The following PAX6 variants were observed in gnomAD, a reference collection of about 807,000 sequenced individuals.
PAX6 encodes paired box 6.
Under a neutral mutation model 60.7 loss-of-function variants are expected in PAX6, and 7 were observed. The observed-to-expected ratio is 0.12, with a 90% CI of 0.07 to 0.22. PAX6 has a LOEUF of 0.22. Ranked by LOEUF, PAX6 falls within the 10% of genes least tolerant of loss-of-function variation. The pLI, the probability that PAX6 is intolerant of heterozygous loss-of-function variation, is 1.00. For missense variants in PAX6, 355 were observed against 555.2 expected, an observed-to-expected ratio of 0.64 and a Z score of 3.62; for synonymous variants, 208 against 201.2, an observed-to-expected ratio of 1.03 and a Z score of -0.29.
chr11:31,812,300 C>CTGTG (rs1202428562), upstream of PAX6: 9,068 of 109,618 alleles, frequency 0.083, 453 homozygotes, highest in East Asian at 0.16. Flanking sequence ...CTCTCTCTCT[C>CTGTG]TCTGTGTGTG....
chr11:31,815,892 G>C (rs1019288329), upstream of PAX6, among the ~76,000 whole-genome samples: 1 of 152,244 alleles, frequency 6.6e-6, no homozygotes, highest in African/African-American at 2.4e-5. Context: ...GCTGCCCGGG[G>C]GACAGAGGGG....
intron 2 of PAX6, chr11:31,808,305 G>T (rs1381684745): frequency 6.6e-6 from 1 of 152,150 alleles, no homozygotes; most frequent in Non-Finnish European, 1.5e-5. Flanking sequence ...AAAATAAACC[G>T]AAAATGAGGA....
rs777505794 is a variant in PAX6, at chr11:31,790,027, TG to T, written c.1226-9del. The stretch of plus-strand genomic sequence containing the variant: ...CACCAGGGGAAATGAGTCCTAGAAG[TG>T]GATGAAAGAAATAGCCATGTAGATA... On this transcript the variant is annotated splice_polypyrimidine_tract_variant and intron_variant, in intron 13 of 13. Coordinates refer to ENST00000640368, the MANE Select transcript of PAX6 (RefSeq NM_001368894.2). 1.3e-6 allele frequency: 2 copies of T among 1,548,884 alleles called. No homozygotes were observed. The highest frequency in any genetic ancestry group is 3.8e-5 in the Admixed American group (2 of 52,438).
intron 8 of PAX6, among the ~76,000 whole-genome samples, chr11:31,795,088 A>G (rs561098294): frequency 6.6e-6 from 1 of 152,064 alleles, no homozygotes; most frequent in East Asian, 1.9e-4. Context: ...AGTAACCCCA[A>G]CTCCCCAAAT....
intron 8 of PAX6, among the ~76,000 whole-genome samples, chr11:31,799,659 C>T (rs1243631301): frequency 6.6e-6 from 1 of 152,122 alleles, no homozygotes; most frequent in African/African-American, 2.4e-5. Flanking sequence ...ACCGATTTTC[C>T]CTTCCCTCGC....
intron 2 of PAX6, chr11:31,810,178 C>T: frequency 6.6e-6 from 1 of 152,564 alleles, no homozygotes; most frequent in Non-Finnish European, 1.5e-5. Flanking sequence ...CAGCGTGCGG[C>T]TGCCTTGCCG....
chr11:31,806,127 G>A (rs3026362), intron 4 of PAX6: 2 of 471,852 alleles, frequency 4.2e-6, no homozygotes, highest in Non-Finnish European at 7.4e-6. Flanking sequence ...TACAGGATTT[G>A]GGGGGGATGG....
At chr11:31,804,973 G>A (rs191212881) in intron 4 of PAX6, 1 of 152,434 alleles carries the variant, frequency 6.6e-6, no homozygotes, top group East Asian at 1.9e-4. Flanking sequence ...CAGAGGTTAA[G>A]CCTCAATCAT....
Position 31,793,930 on chromosome 11 carries a change from A to G in PAX6, c.807+102T>C, listed in dbSNP as rs1038846361. The G allele has an allele frequency of 5.5e-6, 7 of 1,270,094 alleles. No individual in the cohort carries two copies. In the African/African-American group the frequency reaches 8.8e-5, roughly 16 times the overall value. 78.7% of individuals were successfully genotyped at this position (1,270,094 alleles called of 1,614,324 possible). A position where few individuals can be genotyped will look rare whatever the true frequency, so the allele number is the denominator to read the frequency against. Reference sequence around the variant, plus strand: ...TTAGCAGACTGAACCTTTTTATTATATTAGTCCTATAAATAAATAGTACTC... The same window carrying G: ...TTAGCAGACTGAACCTTTTTATTATGTTAGTCCTATAAATAAATAGTACTC... On this transcript the variant is annotated intron_variant, in intron 10 of 13. Coordinates refer to ENST00000640368, the MANE Select transcript of PAX6 (RefSeq NM_001368894.2).
intron 2 of PAX6, chr11:31,808,228 A>T (rs955578748): frequency 5.3e-5 from 8 of 152,242 alleles, no homozygotes; most frequent in African/African-American, 1.9e-4. Flanking sequence ...TTCAAGAAGC[A>T]CATTTTACTC....
In PAX6 at chr11:31,811,254, G is replaced by T; in HGVS notation, c.-456C>A. ...CAGCAAAACACTTCCTCCTGCGCCT[G>T]AACCAGAGCGGGAAATGAGGCCGAG... On this transcript the variant is annotated 5_prime_UTR_variant, in exon 1 of 14. Coordinates refer to ENST00000640368, the MANE Select transcript of PAX6 (RefSeq NM_001368894.2). 2.5e-6 allele frequency: 1 copy of T among 399,106 alleles called. No individual in the cohort carries two copies. The highest frequency in any genetic ancestry group is 1.3e-4 in the South Asian group (1 of 7,802). The allele number at this position is 399,106 out of a possible 1,614,324, so 24.7% of individuals were successfully genotyped here.
upstream of PAX6, among the ~76,000 whole-genome samples, chr11:31,815,750 T>A (rs573096968): frequency 1.3e-5 from 2 of 148,760 alleles, no homozygotes; most frequent in Admixed American, 1.3e-4. Context: ...CGGGATCCCA[T>A]ATATTTGTCA....
intron 8 of PAX6, among the ~76,000 whole-genome samples, chr11:31,795,406 A>G (rs1236885908): frequency 2.6e-5 from 4 of 152,246 alleles, no homozygotes; most frequent in Non-Finnish European, 5.9e-5. Context: ...CTTGACACCT[A>G]TTACGAGCAC....
chr11:31,795,396 C>T (rs951410230), intron 8 of PAX6, among the ~76,000 whole-genome samples: 6 of 152,192 alleles, frequency 3.9e-5, no homozygotes, highest in African/African-American at 1.4e-4. Context: ...TGCGCTTCGC[C>T]TTGACACCTA....
intron 12 of PAX6, 129 bp downstream of exon 12, chr11:31,793,309 G>A (rs750513256): frequency 3.8e-6 from 3 of 788,502 alleles, no homozygotes; most frequent in African/African-American, 1.7e-5. Context: ...GACTTGACTG[G>A]TCAAGCCAAT....
At position 31,810,772 on chromosome 11, in the gene PAX6, G is replaced by T. The variant is rs1956911145; in HGVS notation, c.-129+56C>A. 1.0e-5 allele frequency: 4 copies of T among 398,846 alleles called. No individual in the cohort carries two copies. The East Asian group carries it at 1.4e-4, about 14-fold the overall frequency. 24.7% of individuals were successfully genotyped at this position (398,846 alleles called of 1,614,324 possible). On this transcript the variant is annotated intron_variant, in intron 2 of 13. Coordinates refer to ENST00000640368, the MANE Select transcript of PAX6 (RefSeq NM_001368894.2). ...GAGGAAGGAAGGGGGGAGGAAGGGG[G>T]AGACCTGTCTGAATATTGCAATAAA...
intron 2 of PAX6, chr11:31,808,204 TGCAA>T (rs1435506948): frequency 6.6e-6 from 1 of 152,204 alleles, no homozygotes; most frequent in African/African-American, 2.4e-5. Flanking sequence ...TCTGCCTGCC[TGCAA>T]GCAAAGAATT....
chr11:31,801,265 G>A, intron 7 of PAX6: 3 of 1,385,868 alleles, frequency 2.2e-6, no homozygotes, highest in Non-Finnish European at 2.8e-6. Flanking sequence ...TTAGGACGAA[G>A]TTACAATCTG....
intron 9 of PAX6, 24 bp downstream of exon 9, chr11:31,794,606 C>T (rs762321435): frequency 1.9e-6 from 3 of 1,613,790 alleles, no homozygotes; most frequent in South Asian, 1.1e-5. Context: ...TTTACTGCTT[C>T]TCTACTTTGA....
Sources: allele counts gnomAD v4.1 joint callset (sites outside exome capture counted in the v4.1 genomes callset), GRCh38; gene constraint gnomAD v4.1.1; transcripts MANE v1.5; gene names NCBI Gene and HGNC (gene_info 2026-07-23, HGNC 2026-07-21).